The following PPFIA3 variants were observed in gnomAD, a reference collection of about 807,000 sequenced individuals.
The protein encoded by PPFIA3 is liprin-alpha-3.
In PPFIA3, 26 loss-of-function variants were observed where a neutral mutation model predicts 145.8. That is an observed-to-expected ratio of 0.18 (90% CI 0.13 to 0.25). PPFIA3 has a LOEUF of 0.25. Among genes scored for constraint, PPFIA3 ranks in the 10% least tolerant of loss-of-function variants. The pLI is 1.00. For synonymous variants in PPFIA3, 645 were observed against 661.4 expected (o/e 0.98, Z 0.38); for missense variants, 1,008 against 1,587.8 (o/e 0.63, Z 6.21).
In PPFIA3 at chr19:49,130,496, T is replaced by G; in HGVS notation, c.776T>G (p.Leu259Arg). ...CAGCTGCGGGAGCGCCTGGCGGTGC[T>G]GTGCCGTCAGATGAGCCAGCTGGAG... is the stretch of plus-strand genomic sequence containing the variant. ...VCQLRERLAV[L>R]CRQMSQLEEE... The change falls in exon 7 of 30, where the codon CTG becomes CGG. Residue 259 changes from leucine (L) to arginine (R), a missense_variant. By Grantham distance (102) the Leu-to-Arg change is moderately radical (BLOSUM62 -2). This residue lies in a region of PPFIA3 where 136 missense variants were observed against 160.7 expected (regional missense o/e 0.85). Transcript: ENST00000334186. This position sits in a 1 kb window ranked among gnomAD's most constrained non-coding sequence, Gnocchi z 4.5. The G allele has an allele frequency of 6.3e-7, 1 of 1,599,848 alleles. No individual in the cohort carries two copies. The highest frequency in any genetic ancestry group is 1.8e-4 in the Middle Eastern group (1 of 5,538).
At position 49,130,672 on chromosome 19, in the gene PPFIA3, A is replaced by G. The variant is rs1189173600; in HGVS notation, c.879+73A>G. 3.0e-6 allele frequency: 4 copies of G among 1,311,982 alleles called. No homozygotes were observed. In the Admixed American group the frequency reaches 9.1e-5, roughly 30 times the overall value. 81.3% of individuals were successfully genotyped at this position (1,311,982 alleles called of 1,614,324 possible). A position where few individuals can be genotyped will look rare whatever the true frequency, so the allele number is the denominator to read the frequency against. ...TAGAGCTCTCCCTCGCGCATTGCTC[A>G]TGAATGGCGGAACCTCGATTCAGTC... On this transcript the variant is annotated intron_variant, in intron 7 of 29. Transcript: ENST00000334186. This position sits in a 1 kb window ranked among gnomAD's most constrained non-coding sequence, Gnocchi z 4.5.
chr19:49,122,529 T>C (rs1032320712), intron 1 of PPFIA3, among the ~76,000 whole-genome samples: 2 of 152,234 alleles, frequency 1.3e-5, no homozygotes, highest in African/African-American at 4.8e-5. Context: ...AGCCACGTTG[T>C]TCTAGATTCC....
chr19:49,147,969 C>A, intron 23 of PPFIA3, 114 bp from the exon 24 acceptor site: 2 of 1,108,988 alleles, frequency 1.8e-6, no homozygotes, highest in Non-Finnish European at 1.3e-6. Context: ...TGGTCATTGT[C>A]CTACCATGGG....
chr19:49,134,013 G>T (rs2041107260), intron 10 of PPFIA3, 21 bp from the exon 11 acceptor site: 7 of 1,608,446 alleles, frequency 4.4e-6, no homozygotes, highest in Non-Finnish European at 5.9e-6. Context: ...TTAACAACCC[G>T]CCCCGCTCTG....
Position 49,133,648 on chromosome 19 carries a change from G to A in PPFIA3, c.1162-148G>A, listed in dbSNP as rs899411976. ...AACAGGTCCTGAAAAAGTGGACTAG[G>A]CGCAGGGGCGGGGCCTGACTCAAAG... On this transcript the variant is annotated intron_variant, in intron 9 of 29. Transcript: ENST00000334186. This position sits in a 1 kb window ranked among gnomAD's most constrained non-coding sequence, Gnocchi z 7.2. The A allele has an allele frequency of 7.4e-6, 7 of 941,826 alleles. No homozygotes were observed. Among genetic ancestry groups the A allele is most frequent in the Non-Finnish European group, 1.2e-5 (7 of 598,260 alleles). 58.3% of individuals were successfully genotyped at this position (941,826 alleles called of 1,614,324 possible). A position where few individuals can be genotyped will look rare whatever the true frequency, so the allele number is the denominator to read the frequency against.
At chr19:49,127,101 A>T (rs1233259806) in intron 1 of PPFIA3, among the ~76,000 whole-genome samples, 1 of 133,404 alleles carries the variant, frequency 7.5e-6, no homozygotes, top group Admixed American at 7.4e-5. Context: ...AAAAAAAAAA[A>T]GGTCAGGCGC....
Position 49,146,156 on chromosome 19 carries a change from A to T in PPFIA3, c.2809-10A>T. 1 of 1,613,876 alleles carries T rather than the reference A, an allele frequency of 6.2e-7. No homozygotes were observed. Among genetic ancestry groups the T allele is most frequent in the Non-Finnish European group, 8.5e-7 (1 of 1,179,884 alleles). ...ACCCCTTCTCTCCCCTCTTCCTACT[A>T]ACGGGTCAGGAGACCAAGGAGATCA... On this transcript the variant is annotated splice_polypyrimidine_tract_variant and intron_variant, in intron 22 of 29. Transcript: ENST00000334186.
chr19:49,138,457 T>G, intron 16 of PPFIA3, 30 bp downstream of exon 16: 1 of 1,474,258 alleles, frequency 6.8e-7, no homozygotes, highest in East Asian at 2.4e-5. Flanking sequence ...CCCAGCCTAG[T>G]AGGGGGATGG....
In PPFIA3 at chr19:49,143,105, A is replaced by G. The variant is rs1432390676; in HGVS notation, c.2745+101A>G. On this transcript the variant is annotated intron_variant, in intron 21 of 29. Coordinates refer to ENST00000334186, the MANE Select transcript of PPFIA3 (RefSeq NM_003660.4). The stretch of plus-strand genomic sequence containing the variant: ...GGCCTGCTCACTCCCCTGTCCCACG[A>G]CCCTGCTTCTCATTGGCTTTTACCC... 2.3e-6 allele frequency: 3 copies of G among 1,325,032 alleles called. No homozygotes were observed. In the African/African-American group the frequency reaches 4.4e-5, roughly 19 times the overall value. The allele number at this position is 1,325,032 out of a possible 1,614,324, so 82.1% of individuals were successfully genotyped here.
intron 1 of PPFIA3, among the ~76,000 whole-genome samples, chr19:49,125,771 G>T (rs1229954391): frequency 2.6e-5 from 4 of 152,110 alleles, no homozygotes; most frequent in Non-Finnish European, 5.9e-5. Flanking sequence ...GAATGGGGAG[G>T]TGGGGGCTGG....
At chr19:49,123,629 A>G (rs2040963124) in intron 1 of PPFIA3, among the ~76,000 whole-genome samples, 2 of 151,652 alleles carry the variant, frequency 1.3e-5, no homozygotes, top group African/African-American at 4.8e-5. Context: ...TTTAGTAGAG[A>G]TGGGGTTTCA....
chr19:49,141,757 T>G (rs1171025506), intron 19 of PPFIA3, among the ~76,000 whole-genome samples: 1 of 151,908 alleles, frequency 6.6e-6, no homozygotes, highest in Non-Finnish European at 1.5e-5. Context: ...TTTTCTTTCT[T>G]TTTTTAAAAA....
At position 49,140,058 on chromosome 19, in the gene PPFIA3, G is replaced by A; in HGVS notation, c.2338G>A (p.Gly780Arg). The A allele has an allele frequency of 6.2e-7, 1 of 1,614,090 alleles. No individual in the cohort carries two copies. The highest frequency in any genetic ancestry group is 8.5e-7 in the Non-Finnish European group (1 of 1,180,028). Residue 780 changes from glycine (G) to arginine (R), a missense_variant, in exon 18 of 30, where the codon GGA (glycine) becomes AGA (arginine). Coordinates refer to ENST00000334186, the MANE Select transcript of PPFIA3 (RefSeq NM_003660.4). ...TGGCAAGAAAGAGAAGGGACGAATG[G>A]GACCCCCAGGCCGGGACAGCTCTTC... Reference protein sequence around the residue: ...LFGKKEKGRMGPPGRDSSSLA... With the variant: ...LFGKKEKGRMRPPGRDSSSLA...
chr19:49,123,642 A>G (rs2040963245), intron 1 of PPFIA3, among the ~76,000 whole-genome samples: 1 of 151,890 alleles, frequency 6.6e-6, no homozygotes, highest in African/African-American at 2.4e-5. Flanking sequence ...GGGTTTCACC[A>G]TGTTGGCTAG....
intron 23 of PPFIA3, chr19:49,146,526 A>G: frequency 2.4e-6 from 1 of 422,986 alleles, no homozygotes; most frequent in Admixed American, 4.0e-5. Context: ...CGGGGGCTAC[A>G]GTGGACTGCT....
At chr19:49,150,182 GC>G (rs1568443473) in intron 29 of PPFIA3, 31 bp downstream of exon 29, 2 of 1,571,602 alleles carry the variant, frequency 1.3e-6, no homozygotes, top group Non-Finnish European at 1.7e-6. Context: ...CCTTGGGGGT[GC>G]GGGGCGGCAC....
At chr19:49,139,296 G>T (rs1028809426) in intron 16 of PPFIA3, among the ~76,000 whole-genome samples, 3 of 150,364 alleles carry the variant, frequency 2.0e-5, no homozygotes, top group African/African-American at 4.9e-5. Flanking sequence ...CTGCACTCCA[G>T]CCTGGCGACA....
At chr19:49,146,399 G>A (rs1158084109) in intron 23 of PPFIA3, 5 of 636,188 alleles carry the variant, frequency 7.9e-6, no homozygotes, top group Non-Finnish European at 1.4e-5. Flanking sequence ...CCAGACTGTT[G>A]CATAGTCAGC....
intron 1 of PPFIA3, among the ~76,000 whole-genome samples, chr19:49,124,390 C>G (rs775957313): frequency 3.9e-5 from 6 of 152,082 alleles, no homozygotes; most frequent in Non-Finnish European, 7.4e-5. Flanking sequence ...ACCTTCATCC[C>G]TAGCAGGCTC....
Sources: gnomAD v4.1 joint callset for allele counts (sites outside exome capture counted in the v4.1 genomes callset) on GRCh38, gnomAD v4.1.1 for gene constraint, gnomAD v4.1.1 regional missense constraint, Gnocchi (gnomAD v3.1) non-coding constraint, MANE v1.5 for transcripts, NCBI Gene and HGNC (gene_info 2026-07-23, HGNC 2026-07-21) for gene names.